The following IQCK variants were observed in gnomAD, a reference collection of about 807,000 sequenced individuals.
IQCK encodes the protein IQ motif containing K.
A neutral mutation model predicts 28.1 loss-of-function variants in IQCK; 29 were observed. The ratio of observed to expected loss-of-function variants is 1.03; its 90% CI spans 0.77 to 1.41. The LOEUF (loss-of-function observed/expected upper bound fraction) is 1.41. Among genes scored for constraint, IQCK ranks in the 40% most tolerant of loss-of-function variants. The pLI, the probability that IQCK is intolerant of heterozygous loss-of-function variation, is 0.00. For missense variants in IQCK, 359 were observed against 314.7 expected (o/e 1.14, Z -1.07); for synonymous variants, 113 against 115.1 (o/e 0.98, Z 0.12).
chr16:19,735,827 C>T (rs537399093), intron 4 of IQCK: 40 of 334,720 alleles, frequency 1.2e-4, no homozygotes, highest in South Asian at 1.0e-3. Flanking sequence ...CTTTGGGAAG[C>T]TGAGGTGGGA....
At chr16:19,718,337 ATAG>A in exon 1 of IQCK, 1 of 1,610,132 alleles carries the variant, frequency 6.2e-7, no homozygotes, top group Non-Finnish European at 8.5e-7. Context: ...CCCCAGCCAC[ATAG>A]TGCGCCTCAA....
intron 2 of IQCK, among the ~76,000 whole-genome samples, chr16:19,731,614 T>A (rs1014864249): frequency 2.6e-5 from 4 of 152,218 alleles, no homozygotes; most frequent in Admixed American, 1.3e-4. Flanking sequence ...TGTGCTATGA[T>A]CTTCTTGACC....
At chr16:19,756,838 AGTGAGCTGAGATC>A (rs2055059230) in intron 4 of IQCK, among the ~76,000 whole-genome samples, 1 of 149,602 alleles carries the variant, frequency 6.7e-6, no homozygotes, top group Non-Finnish European at 1.5e-5. Context: ...CAGAGCTTGC[AGTGAGCTGAGATC>A]GCGCCACTGC....
chr16:19,842,645 CCTGA>C (rs2056374722), intron 9 of IQCK, among the ~76,000 whole-genome samples: 1 of 152,152 alleles, frequency 6.6e-6, no homozygotes, highest in African/African-American at 2.4e-5. Flanking sequence ...TTGCTTCTTC[CCTGA>C]CTTTCCCTTT....
chr16:19,721,959 ACT>A (rs983581832), intron 1 of IQCK, among the ~76,000 whole-genome samples: 2 of 151,986 alleles, frequency 1.3e-5, no homozygotes, highest in African/African-American at 4.8e-5. Flanking sequence ...TTAATCAAGC[ACT>A]CTCTGGCCTC....
At chr16:19,734,500 A>G (rs956573199) in intron 3 of IQCK, among the ~76,000 whole-genome samples, 1 of 148,582 alleles carries the variant, frequency 6.7e-6, no homozygotes, top group African/African-American at 2.5e-5. Context: ...ATGGTGGTGC[A>G]CACTGATAAC....
In IQCK at chr16:19,734,556, G is replaced by A. The variant is rs561258849; in HGVS notation, c.376+729G>A. ...AGGCAGGAGAATCGCTTGCACTCGG[G>A]AAGCGGAGGTTGCAGTGAGCTGAGA... On this transcript the variant is annotated intron_variant, in intron 3 of 7. Transcript: ENST00000564186. 2.0e-5 allele frequency among the ~76,000 whole-genome samples: 3 copies of A among 151,952 alleles called. No homozygotes were observed. The East Asian group carries it at 5.8e-4, about 29-fold the overall frequency.
intron 9 of IQCK, among the ~76,000 whole-genome samples, chr16:19,845,346 G>T (rs978089229): frequency 6.6e-6 from 1 of 152,232 alleles, no homozygotes; most frequent in Non-Finnish European, 1.5e-5. Flanking sequence ...GTCTGAACTG[G>T]CTAACAGTTT....
intron 7 of IQCK, among the ~76,000 whole-genome samples, chr16:19,810,466 C>T (rs1567565956): frequency 6.8e-6 from 1 of 147,932 alleles, no homozygotes; most frequent in Non-Finnish European, 1.5e-5. Context: ...CACTGCACTC[C>T]AGCCTGGGTG....
chr16:19,721,654 C>T (rs899791898), intron 1 of IQCK, among the ~76,000 whole-genome samples: 3 of 150,852 alleles, frequency 2.0e-5, no homozygotes, highest in Admixed American at 1.3e-4. Flanking sequence ...GGCGCAATCT[C>T]GGCTCACTGC....
intron 7 of IQCK, among the ~76,000 whole-genome samples, chr16:19,810,712 A>G (rs2055893535): frequency 6.6e-6 from 1 of 151,638 alleles, no homozygotes; most frequent in Non-Finnish European, 1.5e-5. Context: ...AGGCTGAGGC[A>G]GGAGAATCAC....
At chr16:19,818,346 TTGTGTG>T in intron 7 of IQCK, among the ~76,000 whole-genome samples, 2 of 150,638 alleles carry the variant, frequency 1.3e-5, no homozygotes, top group South Asian at 4.2e-4. Context: ...ACACACTACT[TTGTGTG>T]TGTGTGTGTG....
At position 19,810,186 on chromosome 16, in the gene IQCK, C is replaced by T. The variant is rs190375327; in HGVS notation, c.691-16840C>T. ...CAAGTTATTCTACCTCTCCTTGACT[C>T]GGTTTCCTCTTTGAAAATAGGGATG... On this transcript the variant is annotated intron_variant, in intron 7 of 7. Transcript: ENST00000564186. 1.3e-4 allele frequency among the ~76,000 whole-genome samples: 20 copies of T among 152,162 alleles called. No homozygotes were observed. In the East Asian group the frequency reaches 3.7e-3, roughly 28 times the overall value.
intron 6 of IQCK, among the ~76,000 whole-genome samples, chr16:19,767,588 T>G (rs937252593): frequency 6.6e-6 from 1 of 152,098 alleles, no homozygotes; most frequent in Non-Finnish European, 1.5e-5. Context: ...CTTGTATCTT[T>G]TTCCGCTGAA....
chr16:19,764,197 C>A, intron 6 of IQCK, 85 bp downstream of exon 6: 1 of 1,108,076 alleles, frequency 9.0e-7, no homozygotes, highest in Non-Finnish European at 1.3e-6. Context: ...AGAGAACAAA[C>A]TGATGTGATC....
At chr16:19,744,271 A>G (rs1231557417) in intron 4 of IQCK, among the ~76,000 whole-genome samples, 1 of 152,148 alleles carries the variant, frequency 6.6e-6, no homozygotes, top group Non-Finnish European at 1.5e-5. Context: ...GCACACAAAT[A>G]GTATATTTTT....
intron 9 of IQCK, among the ~76,000 whole-genome samples, chr16:19,844,432 T>A (rs1310323148): frequency 1.3e-5 from 2 of 152,104 alleles, no homozygotes; most frequent in East Asian, 3.9e-4. Context: ...CCACACAGCA[T>A]CAGGAGGGCT....
At chr16:19,754,564 C>A (rs74013822) in intron 4 of IQCK, among the ~76,000 whole-genome samples, 2 of 152,054 alleles carry the variant, frequency 1.3e-5, no homozygotes. Context: ...CTGACAAGTT[C>A]TTTGATGATC....
chr16:19,784,136 A>G (rs2055530829), intron 6 of IQCK, among the ~76,000 whole-genome samples: 1 of 152,178 alleles, frequency 6.6e-6, no homozygotes. Flanking sequence ...GTTCAGATAA[A>G]TGAGTATCTG....
Sources: gnomAD v4.1 joint callset for allele counts (sites outside exome capture counted in the v4.1 genomes callset) on GRCh38, gnomAD v4.1.1 for gene constraint, MANE v1.5 for transcripts, NCBI Gene and HGNC (gene_info 2026-07-23, HGNC 2026-07-21) for gene names.